The following ARHGAP5 variants were observed in gnomAD, a reference collection of about 807,000 sequenced individuals.
ARHGAP5 encodes rho GTPase-activating protein 5.
ARHGAP5 carries 23 observed loss-of-function variants against 116.6 expected under a neutral mutation model. The ratio of observed to expected loss-of-function variants is 0.20; its 90% CI spans 0.14 to 0.28. ARHGAP5 has a LOEUF of 0.28. ARHGAP5 is among the 10% of genes least tolerant of loss of function. ARHGAP5 has a pLI of 1.00. For synonymous variants in ARHGAP5, 574 were observed against 602.0 expected (o/e 0.95, Z 0.68); for missense variants, 1,405 against 1,774.8 (o/e 0.79, Z 3.74).
At chr14:32,154,362 T>C in intron 6 of ARHGAP5, 1 of 373,338 alleles carries the variant, frequency 2.7e-6, no homozygotes, top group East Asian at 5.6e-5. Context: ...TTGGTCCTGC[T>C]GGTGTCGAAC....
At chr14:32,145,510 G>T (rs971939403) in intron 3 of ARHGAP5, among the ~76,000 whole-genome samples, 6 of 152,124 alleles carry the variant, frequency 3.9e-5, no homozygotes, top group African/African-American at 9.7e-5. Flanking sequence ...GGTGGTGGTG[G>T]TGTTTTTGCC....
intron 3 of ARHGAP5, among the ~76,000 whole-genome samples, chr14:32,123,257 C>T (rs1594372744): frequency 6.6e-6 from 1 of 151,840 alleles, no homozygotes; most frequent in African/African-American, 2.4e-5. Flanking sequence ...TTATAATTTT[C>T]GAATTTGGAA....
chr14:32,128,480 T>C (rs1334811467), intron 3 of ARHGAP5, among the ~76,000 whole-genome samples: 2 of 152,244 alleles, frequency 1.3e-5, no homozygotes, highest in South Asian at 2.1e-4. Flanking sequence ...TTCACCTCGC[T>C]GGGCTCTGGT....
intron 3 of ARHGAP5, among the ~76,000 whole-genome samples, chr14:32,130,402 T>A (rs1413142087): frequency 6.6e-6 from 1 of 150,396 alleles, no homozygotes; most frequent in Non-Finnish European, 1.5e-5. Context: ...TTTTTTTTTT[T>A]AATAGAGAAG....
intron 3 of ARHGAP5, among the ~76,000 whole-genome samples, chr14:32,130,111 A>G (rs974276923): frequency 4.2e-4 from 63 of 151,278 alleles, no homozygotes; most frequent in Non-Finnish European, 8.0e-4. Flanking sequence ...AATAAAATAT[A>G]TATATATGAC....
At position 32,089,488 on chromosome 14, in the gene ARHGAP5, CTA is replaced by C. The variant is rs368269638; in HGVS notation, c.-168-1013_-168-1012del. Among the ~76,000 whole-genome samples the C allele has an allele frequency of 3.1e-4, 47 of 151,920 alleles. No individual in the cohort carries two copies. In the East Asian group the frequency reaches 9.1e-3, roughly 29 times the overall value. ...GGCCTCAAAAGAATGTGAAAAATCT[CTA>C]AAAACTTTTTTAAAAGACCAATTTA... is the stretch of plus-strand genomic sequence containing the variant. On this transcript the variant is annotated intron_variant, in intron 1 of 6. Coordinates refer to ENST00000345122, the MANE Select transcript of ARHGAP5 (RefSeq NM_001030055.2).
At chr14:32,122,230 A>G (rs1879924088) in intron 3 of ARHGAP5, among the ~76,000 whole-genome samples, 4 of 152,192 alleles carry the variant, frequency 2.6e-5, no homozygotes, top group Admixed American at 2.6e-4. Flanking sequence ...TGTGAAATGT[A>G]TCTCATATGA....
At chr14:32,080,734 T>A (rs1370908910) in intron 1 of ARHGAP5, among the ~76,000 whole-genome samples, 1 of 152,126 alleles carries the variant, frequency 6.6e-6, no homozygotes, top group Non-Finnish European at 1.5e-5. Context: ...GAGTTTTAAT[T>A]GCAAGCAGGA....
intron 2 of ARHGAP5, among the ~76,000 whole-genome samples, chr14:32,105,939 G>A (rs780614256): frequency 2.9e-4 from 44 of 152,038 alleles, no homozygotes; most frequent in Non-Finnish European, 5.1e-4. Flanking sequence ...AAGTTGTTGC[G>A]TGCATCAACA....
chr14:32,080,045 A>G (rs2041756491), intron 1 of ARHGAP5, among the ~76,000 whole-genome samples: 1 of 152,166 alleles, frequency 6.6e-6, no homozygotes, highest in Admixed American at 6.5e-5. Flanking sequence ...AATTTGAGTA[A>G]TCAGGCTCTT....
chr14:32,139,414 G>T (rs999246701), intron 3 of ARHGAP5, among the ~76,000 whole-genome samples: 4 of 151,886 alleles, frequency 2.6e-5, no homozygotes, highest in Admixed American at 2.0e-4. Context: ...GAGATTTTCT[G>T]TTTCTTCTTG....
chr14:32,099,728 C>A (rs1265840798), intron 2 of ARHGAP5, among the ~76,000 whole-genome samples: 1 of 152,134 alleles, frequency 6.6e-6, no homozygotes, highest in African/African-American at 2.4e-5. Context: ...AAGTTAAATA[C>A]TCCTATAATT....
At chr14:32,095,095 G>A (rs1368307660) in intron 2 of ARHGAP5, among the ~76,000 whole-genome samples, 1 of 152,136 alleles carries the variant, frequency 6.6e-6, no homozygotes, top group African/African-American at 2.4e-5. Flanking sequence ...ACACAAACTT[G>A]TATTTAAGGA....
intron 6 of ARHGAP5, among the ~76,000 whole-genome samples, chr14:32,152,838 T>A (rs915071151): frequency 1.3e-5 from 2 of 152,068 alleles, no homozygotes; most frequent in Non-Finnish European, 1.5e-5. Flanking sequence ...TGGAACAGGG[T>A]TTGGTTTGAA....
At chr14:32,105,347 A>G (rs933656639) in intron 2 of ARHGAP5, among the ~76,000 whole-genome samples, 12 of 152,160 alleles carry the variant, frequency 7.9e-5, no homozygotes, top group African/African-American at 2.7e-4. Context: ...TTCTGCTATA[A>G]AATGTGTTGC....
chr14:32,139,148 T>A (rs985041458), intron 3 of ARHGAP5, among the ~76,000 whole-genome samples: 2 of 152,308 alleles, frequency 1.3e-5, no homozygotes, highest in African/African-American at 4.8e-5. Flanking sequence ...TTGAAGATTT[T>A]AAAAATCTGT....
At chr14:32,086,554 T>G (rs1264853767) in intron 1 of ARHGAP5, among the ~76,000 whole-genome samples, 1 of 152,000 alleles carries the variant, frequency 6.6e-6, no homozygotes, top group Non-Finnish European at 1.5e-5. Context: ...GATAGGACCA[T>G]TAGGAATTTC....
At chr14:32,094,490 A>C in intron 2 of ARHGAP5, 104 bp downstream of exon 2, 2 of 808,690 alleles carry the variant, frequency 2.5e-6, no homozygotes, top group Non-Finnish European at 3.8e-6. Flanking sequence ...TTCCATACAT[A>C]ATAATTAGTA....
chr14:32,143,233 GTTGTTGTTATTA>G (rs1266550455), intron 3 of ARHGAP5, among the ~76,000 whole-genome samples: 45 of 149,406 alleles, frequency 3.0e-4, no homozygotes, highest in Non-Finnish European at 6.2e-4. Context: ...TGTTGTTGTT[GTTGTTGTTATTA>G]TTATTATTAT....
Sources: allele counts gnomAD v4.1 joint callset (sites outside exome capture counted in the v4.1 genomes callset), GRCh38; gene constraint gnomAD v4.1.1; transcripts MANE v1.5; gene names NCBI Gene and HGNC (gene_info 2026-07-23, HGNC 2026-07-21).